Variants in DTD1 observed in about 807,000 individuals in gnomAD.
The protein encoded by DTD1 is D-tyrosyl-tRNA deacylase 1 homolog.
Under a neutral mutation model 25.6 loss-of-function variants are expected in DTD1, and 13 were observed. The ratio of observed to expected loss-of-function variants is 0.51; its 90% CI spans 0.33 to 0.81. The LOEUF is 0.81. Ranked by LOEUF, DTD1 falls within the 30% of genes least tolerant of loss-of-function variation. The pLI is 0.02. For synonymous variants in DTD1, 110 were observed against 103.6 expected (o/e 1.06, Z -0.37); for missense variants, 193 against 266.4 (o/e 0.72, Z 1.92).
At chr20:18,758,401 G>A (rs1280922268) in intron 5 of DTD1, among the ~76,000 whole-genome samples, 1 of 151,962 alleles carries the variant, frequency 6.6e-6, no homozygotes, top group Non-Finnish European at 1.5e-5. Flanking sequence ...TTTGTCTTGT[G>A]GGCATTTAGT....
intron 4 of DTD1, among the ~76,000 whole-genome samples, chr20:18,701,870 T>A (rs1345488690): frequency 2.0e-5 from 3 of 152,236 alleles, no homozygotes; most frequent in Non-Finnish European, 4.4e-5. Flanking sequence ...ATAAAATGCA[T>A]GAAGTAAGCT....
rs2061180348 is a variant in DTD1, at chr20:18,716,272, A to G, written c.478-27828A>G. On this transcript the variant is annotated intron_variant, in intron 4 of 5. Transcript: ENST00000377452. ...CTTGAAAAGGCTGTAACATTTCCCC[A>G]CTTCCCAGAAAGGGGAAATAATGTT... 2.0e-5 allele frequency among the ~76,000 whole-genome samples: 3 copies of G among 152,256 alleles called. No homozygotes were observed. In the South Asian group the frequency reaches 6.2e-4, roughly 32 times the overall value.
intron 4 of DTD1, among the ~76,000 whole-genome samples, chr20:18,640,066 T>A (rs1468642420): frequency 2.8e-5 from 4 of 144,198 alleles, no homozygotes; most frequent in African/African-American, 5.1e-5. Context: ...TTTTTTTTTT[T>A]AAGTTTCATG....
intron 4 of DTD1, among the ~76,000 whole-genome samples, chr20:18,738,907 CA>C (rs1357573160): frequency 6.6e-6 from 1 of 152,222 alleles, no homozygotes; most frequent in African/African-American, 2.4e-5. Context: ...TAACAGGTGA[CA>C]CATATGCACC....
intron 4 of DTD1, among the ~76,000 whole-genome samples, chr20:18,734,142 A>G (rs2061248067): frequency 6.6e-6 from 1 of 152,220 alleles, no homozygotes; most frequent in African/African-American, 2.4e-5. Flanking sequence ...ATCTTGTAAA[A>G]TGCCACGTTA....
At chr20:18,651,397 C>T (rs930861240) in intron 4 of DTD1, among the ~76,000 whole-genome samples, 1 of 152,222 alleles carries the variant, frequency 6.6e-6, no homozygotes, top group Non-Finnish European at 1.5e-5. Flanking sequence ...GCAATCTGCC[C>T]GTCTCCGCCT....
chr20:18,675,264 C>T (rs889041554), intron 4 of DTD1: 1 of 152,250 alleles, frequency 6.6e-6, no homozygotes, highest in Non-Finnish European at 1.5e-5. Context: ...TTGGAAGTCC[C>T]ATACTGTCAT....
intron 3 of DTD1, among the ~76,000 whole-genome samples, chr20:18,611,917 C>T (rs560051065): frequency 1.1e-4 from 17 of 151,934 alleles, no homozygotes; most frequent in South Asian, 4.2e-4. Context: ...TGCAGTGGCA[C>T]GATGTCAGCT....
intron 2 of DTD1, among the ~76,000 whole-genome samples, 167 bp downstream of exon 2, chr20:18,593,988 A>C (rs2060600561): frequency 6.6e-6 from 1 of 152,142 alleles, no homozygotes; most frequent in Admixed American, 6.6e-5. Context: ...ACCGAGGAAG[A>C]ATGATTTAGG....
intron 4 of DTD1, among the ~76,000 whole-genome samples, chr20:18,728,194 C>T (rs979854631): frequency 2.6e-5 from 4 of 152,176 alleles, no homozygotes; most frequent in African/African-American, 4.8e-5. Context: ...ACCCCTCAGC[C>T]GGCAAGAGGG....
Position 18,616,696 on chromosome 20 carries a change from A to G in DTD1, c.371-11431A>G, listed in dbSNP as rs183926913. On this transcript the variant is annotated intron_variant, in intron 3 of 5. Transcript: ENST00000377452. ...ATGGTGCACGCCTATAGTCCCAGCT[A>G]ATTGAGAGGCTGAGGCAGGAGGATT... 1.8e-4 allele frequency among the ~76,000 whole-genome samples: 27 copies of G among 152,316 alleles called. No individual in the cohort carries two copies. In the East Asian group the frequency reaches 4.8e-3, roughly 27 times the overall value.
chr20:18,620,827 A>G (rs1001289323), intron 3 of DTD1, among the ~76,000 whole-genome samples: 1 of 152,134 alleles, frequency 6.6e-6, no homozygotes, highest in Non-Finnish European at 1.5e-5. Flanking sequence ...TCCTGGGTTC[A>G]AGTGATCCTC....
At chr20:18,714,726 G>A (rs995291106) in intron 4 of DTD1, among the ~76,000 whole-genome samples, 6 of 151,718 alleles carry the variant, frequency 4.0e-5, no homozygotes, top group Non-Finnish European at 8.8e-5. Flanking sequence ...CAGATGAGGA[G>A]CAGGTAAGAA....
chr20:18,742,967 A>G (rs571115836), intron 4 of DTD1, among the ~76,000 whole-genome samples: 1 of 152,326 alleles, frequency 6.6e-6, no homozygotes, highest in Admixed American at 6.5e-5. Flanking sequence ...GGAGGGAGAT[A>G]AAACTGGGTA....
At chr20:18,727,218 G>C (rs945656694) in intron 4 of DTD1, among the ~76,000 whole-genome samples, 2 of 152,232 alleles carry the variant, frequency 1.3e-5, no homozygotes, top group Non-Finnish European at 2.9e-5. Context: ...ATTCCCCCAC[G>C]GCTCCCGGGG....
At chr20:18,721,697 TG>T (rs765902082) in intron 4 of DTD1, among the ~76,000 whole-genome samples, 2 of 152,230 alleles carry the variant, frequency 1.3e-5, no homozygotes, top group Non-Finnish European at 2.9e-5. Context: ...CGTTTTCTTG[TG>T]GGAAGTTTTT....
At chr20:18,682,026 T>C (rs991634911) in intron 4 of DTD1, among the ~76,000 whole-genome samples, 8 of 152,162 alleles carry the variant, frequency 5.3e-5, no homozygotes, top group African/African-American at 1.7e-4. Context: ...GGAGTGCTGT[T>C]CTATGGTACC....
intron 4 of DTD1, among the ~76,000 whole-genome samples, chr20:18,685,909 C>A (rs1026447183): frequency 6.6e-6 from 1 of 152,160 alleles, no homozygotes; most frequent in African/African-American, 2.4e-5. Context: ...TTTCTTTTTG[C>A]TTGCCCAGAG....
intron 3 of DTD1, among the ~76,000 whole-genome samples, chr20:18,619,188 TG>T (rs1458771886): frequency 2.6e-5 from 4 of 152,188 alleles, no homozygotes; most frequent in African/African-American, 9.7e-5. Context: ...TCTTTATTTC[TG>T]TGAGTGCTTT....
Sources: gnomAD v4.1 joint callset for allele counts (sites outside exome capture counted in the v4.1 genomes callset) on GRCh38, gnomAD v4.1.1 for gene constraint, MANE v1.5 for transcripts, NCBI Gene and HGNC (gene_info 2026-07-23, HGNC 2026-07-21) for gene names.